The following TMEM50A variants were observed in gnomAD, a reference collection of about 807,000 sequenced individuals.
TMEM50A encodes cervical cancer oncogene 9.
TMEM50A carries 8 observed loss-of-function variants against 23.9 expected under a neutral mutation model. The observed-to-expected ratio is 0.33, with a 90% confidence interval of 0.20 to 0.60. The LOEUF is 0.60. TMEM50A is among the 20% of genes least tolerant of loss of function. The pLI is 0.81. For synonymous variants in TMEM50A, 55 were observed against 60.4 expected, an observed-to-expected ratio of 0.91 and a Z score of 0.41; for missense variants, 178 against 192.7, an observed-to-expected ratio of 0.92 and a Z score of 0.45.
intron 3 of TMEM50A, among the ~76,000 whole-genome samples, chr1:25,344,840 G>A (rs944863009): frequency 1.3e-4 from 19 of 151,786 alleles, no homozygotes; most frequent in African/African-American, 4.1e-4. Context: ...TAGTAGCCTT[G>A]TTCAGTTTTT....
chr1:25,357,073 C>T (rs1028346174), intron 6 of TMEM50A, among the ~76,000 whole-genome samples: 41 of 152,042 alleles, frequency 2.7e-4, no homozygotes, highest in African/African-American at 8.2e-4. Context: ...ATTGCTACCA[C>T]GCCCCCTTTT....
chr1:25,360,438 G>C (rs1388292083), intron 6 of TMEM50A, among the ~76,000 whole-genome samples: 13 of 152,114 alleles, frequency 8.5e-5, no homozygotes, highest in Non-Finnish European at 1.5e-5. Context: ...GTACTTGAAA[G>C]TTAAGGTTGT....
At chr1:25,346,266 T>G (rs552612739) in intron 3 of TMEM50A, among the ~76,000 whole-genome samples, 5 of 152,274 alleles carry the variant, frequency 3.3e-5, no homozygotes, top group African/African-American at 7.2e-5. Context: ...TCTTTTCTTT[T>G]CTTTTCATGT....
chr1:25,347,885 GAATTCTTTT>G (rs1301775172), intron 3 of TMEM50A, among the ~76,000 whole-genome samples: 5 of 152,176 alleles, frequency 3.3e-5, no homozygotes, highest in Non-Finnish European at 5.9e-5. Flanking sequence ...GATGCTGTTA[GAATTCTTTT>G]AGAAAGCTGA....
chr1:25,348,682 T>TG (rs1428374202), intron 3 of TMEM50A, among the ~76,000 whole-genome samples: 1 of 18,940 alleles, frequency 5.3e-5, no homozygotes. Flanking sequence ...AGACTCCATC[T>TG]CAAAAAAAAA....
chr1:25,340,574 G>GTAC lies in TMEM50A; in HGVS notation c.91_93dup (p.Leu31dup), dbSNP rs1258725850. On this transcript the variant is annotated inframe_insertion, in exon 2 of 7. Coordinates refer to ENST00000374358, the MANE Select transcript of TMEM50A (RefSeq NM_014313.4). The stretch of plus-strand genomic sequence containing the variant: ...TACTATTGCTTCCATTGCTGCTGGT[G>GTAC]TACTAGTAAGTGTCATTGATTATTT... The GTAC allele has an allele frequency of 6.2e-7, 1 of 1,612,326 alleles. No homozygotes were observed. Among genetic ancestry groups the GTAC allele is most frequent in the Admixed American group, 1.7e-5 (1 of 59,732 alleles).
Position 25,348,703 on chromosome 1 carries a change from A to G in TMEM50A, c.207-2923A>G, listed in dbSNP as rs565591174. Among the ~76,000 whole-genome samples the G allele has an allele frequency of 4.0e-5, 6 of 149,802 alleles. No individual in the cohort carries two copies. The South Asian group carries it at 1.1e-3, about 26-fold the overall frequency. On this transcript the variant is annotated intron_variant, in intron 3 of 6. Transcript: ENST00000374358. ...CATCTCAAAAAAAAAAAAAAGTAGG[A>G]TATGCCAATAAGCAAAAACGAAGTT...
intron 2 of TMEM50A, among the ~76,000 whole-genome samples, chr1:25,340,898 A>G (rs1645160251): frequency 6.6e-6 from 1 of 152,210 alleles, no homozygotes; most frequent in South Asian, 2.1e-4. Context: ...AGTCAGGTCA[A>G]AACCAGTCAA....
At chr1:25,357,515 C>T (rs2124262855) in intron 6 of TMEM50A, among the ~76,000 whole-genome samples, 1 of 148,628 alleles carries the variant, frequency 6.7e-6, no homozygotes, top group East Asian at 2.0e-4. Context: ...AGCTCTTAAT[C>T]CTCTGCATCA....
chr1:25,353,086 A>G (rs1645289973), intron 5 of TMEM50A, 112 bp downstream of exon 5: 1 of 814,104 alleles, frequency 1.2e-6, no homozygotes, highest in Non-Finnish European at 1.9e-6. Context: ...ACTACTAGCG[A>G]TGCATTTATA....
chr1:25,340,422 G>A (rs1334683946), intron 1 of TMEM50A, 52 bp from the exon 2 acceptor site: 9 of 1,331,486 alleles, frequency 6.8e-6, no homozygotes, highest in African/African-American at 2.9e-5. Flanking sequence ...TTTCGGGCTT[G>A]AAGCAAGTAA....
intron 5 of TMEM50A, 47 bp from the exon 6 acceptor site, chr1:25,356,746 A>C: frequency 7.3e-7 from 1 of 1,377,622 alleles, no homozygotes; most frequent in Non-Finnish European, 1.0e-6. Context: ...TCTGAAACTA[A>C]ATGTTTTGAG....
chr1:25,339,094 A>G (rs977750602), intron 1 of TMEM50A, among the ~76,000 whole-genome samples: 1 of 152,252 alleles, frequency 6.6e-6, no homozygotes, highest in African/African-American at 2.4e-5. Context: ...GAAGTTAAAA[A>G]TGGGAGACGT....
chr1:25,359,094 A>C (rs936088377), intron 6 of TMEM50A, among the ~76,000 whole-genome samples: 1 of 152,178 alleles, frequency 6.6e-6, no homozygotes. Context: ...ACTGCGCACC[A>C]GCTGCCCCAT....
At chr1:25,348,609 C>T (rs772112489) in intron 3 of TMEM50A, among the ~76,000 whole-genome samples, 4 of 149,288 alleles carry the variant, frequency 2.7e-5, no homozygotes, top group Non-Finnish European at 4.4e-5. Context: ...CGCTTGAACC[C>T]GGGAGGTGGA....
intron 3 of TMEM50A, among the ~76,000 whole-genome samples, chr1:25,349,786 G>A (rs1283002791): frequency 1.3e-5 from 2 of 152,172 alleles, no homozygotes; most frequent in Non-Finnish European, 2.9e-5. Flanking sequence ...TACTATGTGC[G>A]AAGCCCCTAG....
At chr1:25,343,162 A>C in intron 3 of TMEM50A, 89 bp downstream of exon 3, 1 of 976,036 alleles carries the variant, frequency 1.0e-6, no homozygotes, top group Non-Finnish European at 1.5e-6. Context: ...AAAATTCTAA[A>C]TATTATCAGA....
chr1:25,344,398 C>A lies in TMEM50A; in HGVS notation c.206+1325C>A, dbSNP rs535059623. On this transcript the variant is annotated intron_variant, in intron 3 of 6. Coordinates refer to ENST00000374358, the MANE Select transcript of TMEM50A (RefSeq NM_014313.4). ...TTATTGCAGTGCCAAATAGTATAAG[C>A]ACCATGACTCTGTGCTTCTCAAATT... Among the ~76,000 whole-genome samples, 54 of 152,242 alleles carry A rather than the reference C, an allele frequency of 3.5e-4. 1 individual carries two copies. Among genetic ancestry groups the A allele is most frequent in the Non-Finnish European group, 5.7e-4 (39 of 68,004 alleles).
intron 5 of TMEM50A, among the ~76,000 whole-genome samples, chr1:25,354,565 T>A (rs1277082704): frequency 6.6e-6 from 1 of 152,032 alleles, no homozygotes; most frequent in Non-Finnish European, 1.5e-5. Flanking sequence ...TGAGCTGTGA[T>A]TGTGCCACTG....
Sources: allele counts gnomAD v4.1 joint callset (sites outside exome capture counted in the v4.1 genomes callset), GRCh38; gene constraint gnomAD v4.1.1; transcripts MANE v1.5; gene names NCBI Gene and HGNC (gene_info 2026-07-23, HGNC 2026-07-21).